SDK2: variants seen among roughly 807,000 people sequenced by gnomAD.
The protein encoded by SDK2 is protein sidekick-2.
In SDK2, 105 loss-of-function variants were observed where a neutral mutation model predicts 253.9. The ratio of observed to expected loss-of-function variants is 0.41; its 90% confidence interval spans 0.35 to 0.49. SDK2 has a LOEUF of 0.49. Ranked by LOEUF, SDK2 falls within the 20% of genes least tolerant of loss-of-function variation. The pLI, the probability that SDK2 is intolerant of heterozygous loss-of-function variation, is 0.06. For missense variants in SDK2, 2,608 were observed against 3,003.0 expected (o/e 0.87, Z 3.07); for synonymous variants, 1,249 against 1,234.9 (o/e 1.01, Z -0.24).
intron 1 of SDK2, among the ~76,000 whole-genome samples, chr17:73,545,099 G>GCACACA (rs58966207): frequency 0.06 from 8,797 of 145,772 alleles, 355 homozygotes; most frequent in African/African-American, 0.11. Context: ...GCACGTGCAC[G>GCACACA]CACACACACA....
chr17:73,562,017 T>G (rs1599680464), intron 1 of SDK2, among the ~76,000 whole-genome samples: 2 of 152,116 alleles, frequency 1.3e-5, no homozygotes, highest in African/African-American at 4.8e-5. Context: ...TCCCAGCTGC[T>G]TGGGAGGCTA....
rs148667279 is a variant in SDK2 at position 73,539,081 on chromosome 17, G to A, written c.65-31484C>T. ...GAGAAGGCTGGAGAAAGGACAGGTG[G>A]AGTGGCCTTATCATGCTGCCCTGCC... is the stretch of plus-strand genomic sequence containing the variant. On this transcript the variant is annotated intron_variant, in intron 1 of 44. Transcript: ENST00000392650. Among the ~76,000 whole-genome samples the A allele has an allele frequency of 4.2e-3, 639 of 152,278 alleles. 6 individuals are homozygous for A. The highest frequency in any genetic ancestry group is 0.015 in the African/African-American group (618 of 41,544).
chr17:73,630,820 T>C (rs1050236045), intron 1 of SDK2, among the ~76,000 whole-genome samples: 1 of 152,014 alleles, frequency 6.6e-6, no homozygotes, highest in Non-Finnish European at 1.5e-5. Context: ...TCCACCCCGC[T>C]TGTCCTGCTT....
intron 2 of SDK2, among the ~76,000 whole-genome samples, chr17:73,478,590 G>GC (rs774400568): frequency 2.0e-5 from 3 of 152,182 alleles, no homozygotes; most frequent in Non-Finnish European, 4.4e-5. Context: ...GACAACAGTG[G>GC]GAGGAAGAGC....
chr17:73,348,564 G>A (rs755514140), intron 44 of SDK2, 35 bp downstream of exon 44: 1 of 1,605,538 alleles, frequency 6.2e-7, no homozygotes. Flanking sequence ...GCTGCTCCCT[G>A]CCCCCTGCAG....
chr17:73,338,868 C>T lies in SDK2; in HGVS notation c.6238G>A (p.Asp2080Asn). The T allele has an allele frequency of 1.2e-6, 2 of 1,613,952 alleles. No homozygotes were observed. The highest frequency in any genetic ancestry group is 1.7e-6 in the Non-Finnish European group (2 of 1,179,892). ...AHSFVNHYIS[D>N]PTYYNSWRRQ... ...CGCCACGAGTTGTAGTATGTGGGGT[C>T]ACTGATGTAGTGGTTGACAAAGGAG... The change falls in exon 45 of 45, where the codon GAC becomes AAC. Residue 2080 changes from aspartate to asparagine, a missense_variant. Physicochemically the swap from Asp to Asn is conservative, Grantham distance 23. Coordinates refer to ENST00000392650, the MANE Select transcript of SDK2 (RefSeq NM_001144952.2). The surrounding 1 kb of genome is among the most constrained non-coding windows in gnomAD (Gnocchi z 5.0).
intron 2 of SDK2, among the ~76,000 whole-genome samples, chr17:73,473,988 A>G (rs533944577): frequency 1.4e-4 from 22 of 152,232 alleles, no homozygotes; most frequent in Non-Finnish European, 2.9e-4. Context: ...TAATCTCAGC[A>G]TAAAGGCATT....
chr17:73,591,213 C>T (rs544480002), intron 1 of SDK2, among the ~76,000 whole-genome samples: 9 of 152,326 alleles, frequency 5.9e-5, no homozygotes, highest in South Asian at 4.1e-4. Flanking sequence ...CCACCGCACC[C>T]GGTCTTAACT....
At chr17:73,510,081 G>A (rs920910363) in intron 1 of SDK2, among the ~76,000 whole-genome samples, 3 of 151,836 alleles carry the variant, frequency 2.0e-5, no homozygotes, top group Non-Finnish European at 4.4e-5. Flanking sequence ...CCAGGCTGGA[G>A]CATAAGGAAG....
chr17:73,381,558 T>C (rs2062830434), intron 33 of SDK2, among the ~76,000 whole-genome samples: 1 of 152,126 alleles, frequency 6.6e-6, no homozygotes, highest in African/African-American at 2.4e-5. Context: ...CACAAAAGGC[T>C]TGAGAGAACT....
chr17:73,562,541 C>T (rs2045252150), intron 1 of SDK2, among the ~76,000 whole-genome samples: 1 of 152,092 alleles, frequency 6.6e-6, no homozygotes, highest in Non-Finnish European at 1.5e-5. Flanking sequence ...AGGCACTTCT[C>T]AAAGAAGAGA....
At chr17:73,425,936 A>G (rs190763024) in intron 12 of SDK2, among the ~76,000 whole-genome samples, 2 of 152,294 alleles carry the variant, frequency 1.3e-5, no homozygotes, top group Admixed American at 1.3e-4. Flanking sequence ...AAGTGCCTGA[A>G]CCACGGCAAG....
intron 18 of SDK2, among the ~76,000 whole-genome samples, chr17:73,403,821 C>A (rs2063048727): frequency 6.6e-6 from 1 of 152,046 alleles, no homozygotes; most frequent in South Asian, 2.1e-4. Context: ...TGTTAAATAT[C>A]CTCCGTATTT....
Position 73,350,229 on chromosome 17 carries a change from C to T in SDK2, c.6038+8G>A, listed in dbSNP as rs1252428087. Reference sequence around the variant, plus strand: ...CCTGGCCCCCAACCCACGCAGAGGGCCCAGTACCTGGTGTACAGGCCGTTC... The same window carrying T: ...CCTGGCCCCCAACCCACGCAGAGGGTCCAGTACCTGGTGTACAGGCCGTTC... On this transcript the variant is annotated splice_region_variant and intron_variant, in intron 43 of 44. Transcript: ENST00000392650. 1 of 567,696 alleles carries T rather than the reference C, an allele frequency of 1.8e-6. No homozygotes were observed. The allele number at this position is 567,696 out of a possible 1,614,324, so 35.2% of individuals were successfully genotyped here.
At chr17:73,398,271 C>T (rs758324114) in intron 23 of SDK2, 49 bp downstream of exon 23, 1 of 1,604,584 alleles carries the variant, frequency 6.2e-7, no homozygotes, top group African/African-American at 1.3e-5. Flanking sequence ...AGCCCCCACC[C>T]ACCCCCAGCC....
chr17:73,613,391 C>A (rs1176966915), intron 1 of SDK2, among the ~76,000 whole-genome samples: 10 of 150,606 alleles, frequency 6.6e-5, no homozygotes, highest in Admixed American at 4.0e-4. Flanking sequence ...TGGCCCCAGG[C>A]CCCTGGAGAG....
At chr17:73,531,703 C>T (rs1267149679) in intron 1 of SDK2, among the ~76,000 whole-genome samples, 4 of 152,172 alleles carry the variant, frequency 2.6e-5, no homozygotes, top group Admixed American at 1.3e-4. Flanking sequence ...AATGGCACTC[C>T]ATTGCATACA....
chr17:73,558,392 A>T (rs1318984703), intron 1 of SDK2, among the ~76,000 whole-genome samples: 1 of 151,836 alleles, frequency 6.6e-6, no homozygotes, highest in African/African-American at 2.4e-5. Flanking sequence ...CCTTATTCTG[A>T]AATTAACTTC....
rs941398406 is a variant in SDK2 at position 73,642,232 on chromosome 17, G to A, written c.64+1793C>T. Among the ~76,000 whole-genome samples the A allele has an allele frequency of 1.3e-5, 2 of 152,186 alleles. No homozygotes were observed. Among genetic ancestry groups the A allele is most frequent in the Non-Finnish European group, 2.9e-5 (2 of 68,044 alleles). On this transcript the variant is annotated intron_variant, in intron 1 of 44. Transcript: ENST00000392650. This position sits in a 1 kb window ranked among gnomAD's most constrained non-coding sequence, Gnocchi z 4.7. ...GGGACACATGAAGACCCCAAAGCAA[G>A]GGCCATCAGGTGCCCTGGGGACTCT...
Sources: allele counts gnomAD v4.1 joint callset (sites outside exome capture counted in the v4.1 genomes callset), GRCh38; gene constraint gnomAD v4.1.1; non-coding constraint Gnocchi (gnomAD v3.1); transcripts MANE v1.5; gene names NCBI Gene and HGNC (gene_info 2026-07-23, HGNC 2026-07-21).